RARB: variants seen among roughly 807,000 people sequenced by gnomAD.
RARB encodes retinoic acid receptor beta, also known as HBV-activated protein.
Under a neutral mutation model 51.9 loss-of-function variants are expected in RARB, and 17 were observed. The observed-to-expected ratio is 0.33, with a 90% CI of 0.22 to 0.49. The LOEUF (loss-of-function observed/expected upper bound fraction) is 0.49, where lower values mean the gene tolerates loss of function less well. Among genes scored for constraint, RARB ranks in the 20% least tolerant of loss-of-function variants. The pLI is 0.99. For synonymous variants in RARB, 215 were observed against 195.4 expected, an observed-to-expected ratio of 1.10 and a Z score of -0.84; for missense variants, 369 against 550.8, an observed-to-expected ratio of 0.67 and a Z score of 3.30.
chr3:25,114,971 G>A (rs887740834), intron 3 of RARB, among the ~76,000 whole-genome samples: 1 of 152,186 alleles, frequency 6.6e-6, no homozygotes, highest in Non-Finnish European at 1.5e-5. Context: ...ATTAACCAAT[G>A]TATTTAGCTC....
chr3:24,865,220 T>A (rs1702824747), intron 2 of RARB, among the ~76,000 whole-genome samples: 2 of 152,150 alleles, frequency 1.3e-5, no homozygotes, highest in African/African-American at 4.8e-5. Flanking sequence ...CAAGAGGAAT[T>A]TGTTCCAGGA....
chr3:24,855,384 A>T (rs1421159106), intron 1 of RARB, among the ~76,000 whole-genome samples: 1 of 152,210 alleles, frequency 6.6e-6, no homozygotes, highest in Non-Finnish European at 1.5e-5. Flanking sequence ...GCAGGAAAAT[A>T]GTTGGAAAAG....
chr3:25,150,924 T>C (rs1027092140), intron 4 of RARB, among the ~76,000 whole-genome samples: 1 of 152,226 alleles, frequency 6.6e-6, no homozygotes, highest in Admixed American at 6.5e-5. Flanking sequence ...AGGAATTTCT[T>C]GTTTTTGCTC....
In RARB at chr3:25,580,528, AT is replaced by A; in HGVS notation, c.610-14del. On this transcript the variant is annotated splice_polypyrimidine_tract_variant and intron_variant, in intron 4 of 7. Transcript: ENST00000330688. ...CTTCCCGGAAACTGTATCTGATGACATTTTCTCTCTCTCCTAGAATTCCAGT... is the reference window on the plus strand; with the variant it reads ...CTTCCCGGAAACTGTATCTGATGACATTTCTCTCTCTCCTAGAATTCCAGT... 1 of 1,551,990 alleles carries A rather than the reference AT, an allele frequency of 6.4e-7. No homozygotes were observed. The highest frequency in any genetic ancestry group is 8.8e-7 in the Non-Finnish European group (1 of 1,134,910).
chr3:25,228,339 G>T (rs1199077334), intron 5 of RARB, among the ~76,000 whole-genome samples: 2 of 145,600 alleles, frequency 1.4e-5, no homozygotes, highest in African/African-American at 5.1e-5. Context: ...TTGCATTTAT[G>T]TTATTTTCTC....
intron 4 of RARB, among the ~76,000 whole-genome samples, chr3:25,147,093 T>C (rs1011105988): frequency 6.6e-6 from 1 of 152,188 alleles, no homozygotes; most frequent in Non-Finnish European, 1.5e-5. Context: ...GAATAGATGT[T>C]AGTGTTTCTA....
chr3:24,994,481 G>A (rs1179335643), intron 2 of RARB, among the ~76,000 whole-genome samples: 1 of 151,974 alleles, frequency 6.6e-6, no homozygotes, highest in East Asian at 1.9e-4. Context: ...TTCCTTTGCT[G>A]TATAGAAGCT....
chr3:25,042,725 A>G (rs1243551548), intron 2 of RARB, among the ~76,000 whole-genome samples: 1 of 152,202 alleles, frequency 6.6e-6, no homozygotes, highest in Non-Finnish European at 1.5e-5. Context: ...TGTCAATGTG[A>G]ATGTGAGCTC....
intron 3 of RARB, among the ~76,000 whole-genome samples, chr3:25,522,152 G>T (rs17016626): frequency 0.03 from 4,578 of 151,916 alleles, 218 homozygotes; most frequent in African/African-American, 0.1. Context: ...AAGCAGAAGT[G>T]GTGGAGAAAA....
intron 5 of RARB, among the ~76,000 whole-genome samples, chr3:25,210,789 C>G (rs1012718909): frequency 2.6e-5 from 4 of 151,990 alleles, no homozygotes; most frequent in Non-Finnish European, 4.4e-5. Context: ...CCCACCTCAG[C>G]TTCCCAAAGT....
At chr3:25,491,494 A>AGAGACTATCC (rs1200631318) in intron 2 of RARB, among the ~76,000 whole-genome samples, 1 of 152,176 alleles carries the variant, frequency 6.6e-6, no homozygotes, top group East Asian at 1.9e-4. Context: ...AGAAGAGAAG[A>AGAGACTATCC]GAGACTATCC....
intron 2 of RARB, among the ~76,000 whole-genome samples, chr3:24,952,132 T>C (rs1234298887): frequency 2.0e-5 from 3 of 152,134 alleles, no homozygotes; most frequent in East Asian, 1.9e-4. Flanking sequence ...CCTAGCACTT[T>C]GGGAAGCTAA....
rs1014167327 is a variant in RARB at position 25,446,529 on chromosome 3, C to T, written c.158-14664C>T. On this transcript the variant is annotated intron_variant, in intron 1 of 7. Coordinates refer to ENST00000330688, the MANE Select transcript of RARB (RefSeq NM_000965.5). ...TTAAAACATTAAAAAATGGGCCGGG[C>T]GCAGTGGCTCACGCCTGTAATCCCA... Among the ~76,000 whole-genome samples, 3 of 152,178 alleles carry T rather than the reference C, an allele frequency of 2.0e-5. 1 individual carries two copies. The highest frequency in any genetic ancestry group is 1.3e-4 in the Admixed American group (2 of 15,290).
Position 25,565,053 on chromosome 3 carries a change from C to T in RARB, c.449-4705C>T, listed in dbSNP as rs552178960. ...CCAGCGTTAGCTTCCTAATCTAGGACCAGTAGGATCCCCCTGCCACACCCA... is the reference window on the plus strand; with the variant it reads ...CCAGCGTTAGCTTCCTAATCTAGGATCAGTAGGATCCCCCTGCCACACCCA... On this transcript the variant is annotated intron_variant, in intron 3 of 7. Transcript: ENST00000330688. Among the ~76,000 whole-genome samples the T allele has an allele frequency of 2.0e-5, 3 of 152,266 alleles. No homozygotes were observed. In the South Asian group the frequency reaches 6.2e-4, roughly 32 times the overall value.
chr3:25,445,464 A>T (rs553142814), intron 1 of RARB, among the ~76,000 whole-genome samples: 6 of 152,094 alleles, frequency 3.9e-5, no homozygotes, highest in Non-Finnish European at 8.8e-5. Context: ...CAGGAGTTCA[A>T]GACCAGCCTG....
chr3:24,956,305 G>A (rs939545267), intron 2 of RARB, among the ~76,000 whole-genome samples: 5 of 152,158 alleles, frequency 3.3e-5, no homozygotes, highest in Admixed American at 2.6e-4. Context: ...TGTCAAATGT[G>A]TATAATAATA....
intron 3 of RARB, among the ~76,000 whole-genome samples, chr3:25,067,390 G>C (rs541092417): frequency 1.3e-5 from 2 of 152,314 alleles, no homozygotes; most frequent in Non-Finnish European, 2.9e-5. Context: ...AAAAGTTCAA[G>C]ATGGAGGAAG....
At chr3:25,007,321 C>G (rs930577358) in intron 2 of RARB, among the ~76,000 whole-genome samples, 2 of 152,048 alleles carry the variant, frequency 1.3e-5, no homozygotes, top group African/African-American at 4.8e-5. Context: ...GAACTCAATG[C>G]TAGCTACCAA....
intron 3 of RARB, among the ~76,000 whole-genome samples, chr3:25,539,058 A>G (rs1699258133): frequency 6.6e-6 from 1 of 152,212 alleles, no homozygotes; most frequent in South Asian, 2.1e-4. Flanking sequence ...TGAACAGACA[A>G]CCGTTAATGA....
Sources: allele counts gnomAD v4.1 joint callset (sites outside exome capture counted in the v4.1 genomes callset), GRCh38; gene constraint gnomAD v4.1.1; transcripts MANE v1.5; gene names NCBI Gene and HGNC (gene_info 2026-07-23, HGNC 2026-07-21).